Variants in TRPC4 observed in about 807,000 individuals in gnomAD.
TRPC4 encodes transient receptor potential cation channel subfamily C member 4.
TRPC4 carries 49 observed loss-of-function variants against 99.4 expected under a neutral mutation model. The observed-to-expected ratio is 0.49, with a 90% CI of 0.39 to 0.63. The LOEUF (loss-of-function observed/expected upper bound fraction) is 0.63. TRPC4 is among the 20% of genes least tolerant of loss of function. The pLI, the probability that TRPC4 is intolerant of heterozygous loss-of-function variation, is 0.00. For synonymous variants in TRPC4, 454 were observed against 425.9 expected, an observed-to-expected ratio of 1.07 and a Z score of -0.81; for missense variants, 898 against 1,152.9, an observed-to-expected ratio of 0.78 and a Z score of 3.20.
intron 3 of TRPC4, among the ~76,000 whole-genome samples, chr13:37,722,082 G>A (rs1489225815): frequency 6.6e-6 from 1 of 152,182 alleles, no homozygotes; most frequent in African/African-American, 2.4e-5. Flanking sequence ...TATGTAAAAG[G>A]TAAGAATAAA....
chr13:37,655,370 T>TATAG, intron 6 of TRPC4, 87 bp from the exon 7 acceptor site: 1 of 400,914 alleles, frequency 2.5e-6, no homozygotes, highest in East Asian at 5.7e-5. Context: ...CATGATTATA[T>TATAG]ATATATATAT....
At chr13:37,831,098 T>A (rs1325308673) in intron 1 of TRPC4, among the ~76,000 whole-genome samples, 2 of 151,870 alleles carry the variant, frequency 1.3e-5, no homozygotes, top group African/African-American at 4.8e-5. Context: ...ACAGAAGAAT[T>A]TTTTTTTCAC....
chr13:37,712,756 G>C (rs2138992844), intron 3 of TRPC4, among the ~76,000 whole-genome samples: 1 of 152,218 alleles, frequency 6.6e-6, no homozygotes, highest in East Asian at 1.9e-4. Context: ...GTCTAGAGAA[G>C]GGTGAGAGGC....
At chr13:37,868,574 T>G (rs1447942859) in intron 1 of TRPC4, among the ~76,000 whole-genome samples, 2 of 152,132 alleles carry the variant, frequency 1.3e-5, no homozygotes, top group Admixed American at 6.5e-5. Flanking sequence ...AAGGCAGAAA[T>G]TATATGAGCT....
At chr13:37,799,185 T>C (rs961288891) in intron 1 of TRPC4, among the ~76,000 whole-genome samples, 31 of 152,000 alleles carry the variant, frequency 2.0e-4, no homozygotes, top group African/African-American at 6.8e-4. Context: ...CCACCCACCT[T>C]GGCCTCCCAA....
chr13:37,768,766 A>G (rs977975065), intron 2 of TRPC4, among the ~76,000 whole-genome samples: 1 of 151,204 alleles, frequency 6.6e-6, no homozygotes, highest in African/African-American at 2.4e-5. Context: ...CTCACCTCTC[A>G]TGCCCCACAG....
At chr13:37,730,538 T>G (rs1214289482) in intron 3 of TRPC4, among the ~76,000 whole-genome samples, 1 of 151,942 alleles carries the variant, frequency 6.6e-6, no homozygotes, top group Non-Finnish European at 1.5e-5. Flanking sequence ...TATACTTTAA[T>G]TTTCAAGAGT....
chr13:37,808,881 A>AGAGAAACCGCCTGAAAGCCCC lies in TRPC4; in HGVS notation c.-27-25542_-27-25522dup, dbSNP rs555304184. On this transcript the variant is annotated intron_variant, in intron 1 of 10. Coordinates refer to ENST00000379705, the MANE Select transcript of TRPC4 (RefSeq NM_016179.4). ...ACTTCCATCTCACCGTATGTACAAT[A>AGAGAAACCGCCTGAAAGCCCC]GAGAAACCGCCTGAAAGCCCCCTGA... Among the ~76,000 whole-genome samples, 458 of 152,164 alleles carry AGAGAAACCGCCTGAAAGCCCC rather than the reference A, an allele frequency of 3.0e-3. 1 individual carries two copies. Among genetic ancestry groups the AGAGAAACCGCCTGAAAGCCCC allele is most frequent in the African/African-American group, 0.011 (446 of 41,514 alleles).
At chr13:37,862,501 T>G (rs190181896) in intron 1 of TRPC4, among the ~76,000 whole-genome samples, 268 of 151,724 alleles carry the variant, frequency 1.8e-3, no homozygotes, top group Non-Finnish European at 2.8e-3. Flanking sequence ...AAAGGATATA[T>G]TTAGATTGAT....
At chr13:37,781,977 A>G (rs1956853418) in intron 2 of TRPC4, among the ~76,000 whole-genome samples, 1 of 152,132 alleles carries the variant, frequency 6.6e-6, no homozygotes, top group African/African-American at 2.4e-5. Flanking sequence ...CGAGATGTGT[A>G]TATTATCAAA....
At chr13:37,757,471 A>T (rs1387736545) in intron 2 of TRPC4, among the ~76,000 whole-genome samples, 1 of 152,102 alleles carries the variant, frequency 6.6e-6, no homozygotes, top group Non-Finnish European at 1.5e-5. Flanking sequence ...TGGAAAGCAC[A>T]AAGCAGATAG....
chr13:37,827,673 AAAGCTGTCAGACAGGGACATTT>A (rs1301961210), intron 1 of TRPC4, among the ~76,000 whole-genome samples: 3 of 152,144 alleles, frequency 2.0e-5, no homozygotes, highest in Non-Finnish European at 4.4e-5. Flanking sequence ...TGCTCTCTTC[AAAGCTGTCAGACAGGGACATTT>A]AAGTCTGCAG....
intron 1 of TRPC4, among the ~76,000 whole-genome samples, chr13:37,792,729 G>GTA (rs977196384): frequency 1.3e-4 from 10 of 77,898 alleles, no homozygotes; most frequent in African/African-American, 6.2e-4. Context: ...AAATTTGTGT[G>GTA]TGTGTGTGTG....
At chr13:37,820,598 T>C (rs994950559) in intron 1 of TRPC4, among the ~76,000 whole-genome samples, 4 of 152,090 alleles carry the variant, frequency 2.6e-5, no homozygotes, top group African/African-American at 9.7e-5. Flanking sequence ...AATGATCAAG[T>C]AGGCTTTATC....
intron 1 of TRPC4, among the ~76,000 whole-genome samples, chr13:37,835,256 T>C (rs543037017): frequency 5.9e-5 from 9 of 152,306 alleles, no homozygotes; most frequent in Admixed American, 1.3e-4. Flanking sequence ...TTTAACTTCA[T>C]GCCTTCAAAA....
intron 1 of TRPC4, among the ~76,000 whole-genome samples, chr13:37,816,046 C>A (rs959256754): frequency 2.0e-5 from 3 of 151,990 alleles, no homozygotes; most frequent in East Asian, 1.9e-4. Context: ...TCAAGAAATT[C>A]TTTGAAATTA....
chr13:37,805,414 A>G (rs1337879162), intron 1 of TRPC4, among the ~76,000 whole-genome samples: 3 of 151,858 alleles, frequency 2.0e-5, no homozygotes, highest in Admixed American at 1.3e-4. Context: ...TTCACTGGGG[A>G]AGTCTTGAAT....
intron 1 of TRPC4, among the ~76,000 whole-genome samples, chr13:37,835,698 G>A (rs1299808487): frequency 6.6e-6 from 1 of 152,096 alleles, no homozygotes; most frequent in Non-Finnish European, 1.5e-5. Context: ...GATAACAAAT[G>A]TTTTGTATCC....
intron 1 of TRPC4, among the ~76,000 whole-genome samples, chr13:37,846,900 TAA>T (rs1331430286): frequency 6.6e-6 from 1 of 151,942 alleles, no homozygotes; most frequent in Non-Finnish European, 1.5e-5. Context: ...ATTAAGAGAA[TAA>T]GAGTAGTTAC....
Sources: gnomAD v4.1 joint callset for allele counts (sites outside exome capture counted in the v4.1 genomes callset) on GRCh38, gnomAD v4.1.1 for gene constraint, MANE v1.5 for transcripts, NCBI Gene and HGNC (gene_info 2026-07-23, HGNC 2026-07-21) for gene names.